MIB1: variants seen among roughly 807,000 people sequenced by gnomAD.
MIB1 encodes the protein E3 ubiquitin-protein ligase MIB1.
MIB1 carries 278 observed loss-of-function variants against 124.5 expected under a neutral mutation model. The observed-to-expected ratio is 2.23, with a 90% CI of 2.02 to 2.47. MIB1 has a LOEUF of 2.47. MIB1 is among the 30% of genes most tolerant of loss of function. MIB1 has a pLI of 0.00. For missense variants in MIB1, 957 were observed against 1,254.4 expected (o/e 0.76, Z 3.58); for synonymous variants, 446 against 429.4 (o/e 1.04, Z -0.48).
intron 9 of MIB1, among the ~76,000 whole-genome samples, chr18:21,802,360 C>T (rs972999951): frequency 1.3e-4 from 19 of 151,998 alleles, no homozygotes; most frequent in South Asian, 2.1e-4. Context: ...GACTATTCAT[C>T]GAATTTTCTT....
At chr18:21,708,598 A>G (rs78824811) in intron 1 of MIB1, among the ~76,000 whole-genome samples, 11 of 152,272 alleles carry the variant, frequency 7.2e-5, no homozygotes, top group African/African-American at 2.2e-4. Context: ...CGGAGATTCC[A>G]GTGAGCCAAG....
At chr18:21,752,626 A>G (rs1481183804) in intron 1 of MIB1, among the ~76,000 whole-genome samples, 2 of 152,262 alleles carry the variant, frequency 1.3e-5, no homozygotes, top group African/African-American at 2.4e-5. Flanking sequence ...AAGTCTAATT[A>G]TAGTATGTAT....
rs1021694690 is a variant in MIB1 at position 21,865,758 on chromosome 18, A to G, written c.*1092A>G. 6.6e-6 allele frequency: 1 copy of G among 152,634 alleles called. No homozygotes were observed. Among genetic ancestry groups the G allele is most frequent in the South Asian group, 2.1e-4 (1 of 4,834 alleles). 9.5% of individuals were successfully genotyped at this position (152,634 alleles called of 1,614,324 possible). On this transcript the variant is annotated 3_prime_UTR_variant, in exon 21 of 21. Coordinates refer to ENST00000261537, the MANE Select transcript of MIB1 (RefSeq NM_020774.4). ...TTCTTTATAGTATTTTTTGTTATAA[A>G]GAAAACAGTCTTTCTGTGTATACCT...
At chr18:21,784,821 C>G (rs994466422) in intron 6 of MIB1, among the ~76,000 whole-genome samples, 2 of 152,068 alleles carry the variant, frequency 1.3e-5, no homozygotes, top group African/African-American at 4.8e-5. Context: ...GGGAGTCTCC[C>G]TTTCCCCGGA....
intron 10 of MIB1, among the ~76,000 whole-genome samples, chr18:21,805,900 C>CTTTTTTTTTTTTTT: frequency 9.5e-6 from 1 of 105,128 alleles, no homozygotes; most frequent in Non-Finnish European, 1.8e-5. Flanking sequence ...TCTTTCTTTC[C>CTTTTTTTTTTTTTT]TTTTTTTTTT....
chr18:21,829,055 T>C, intron 12 of MIB1: 1 of 483,286 alleles, frequency 2.1e-6, no homozygotes, highest in Non-Finnish European at 4.3e-6. Flanking sequence ...TATGTTCATA[T>C]GGGTACATAA....
chr18:21,766,624 G>A (rs2041162273), intron 2 of MIB1, among the ~76,000 whole-genome samples: 1 of 150,196 alleles, frequency 6.7e-6, no homozygotes, highest in African/African-American at 2.5e-5. Flanking sequence ...ATAGATTTTG[G>A]AGTCATACCT....
rs2041313720 is a variant in MIB1 at position 21,778,150 on chromosome 18, AG to A, written c.685del (p.Asp229IlefsTer6). The A allele has an allele frequency of 6.2e-7, 1 of 1,609,830 alleles. No individual in the cohort carries two copies. The highest frequency in any genetic ancestry group is 8.5e-7 in the Non-Finnish European group (1 of 1,176,510). ...ATGCCAAGGGAGGTTCTTTCTACAG[AG>A]ATCACTGCCCTGTGCTAGGTGAGTG... ...QDAKGGSFYR[D>X]HCPVLGEQNG... On this transcript the variant is annotated frameshift_variant, in exon 5 of 21. Coordinates refer to ENST00000261537, the MANE Select transcript of MIB1 (RefSeq NM_020774.4). LOFTEE classifies it high-confidence loss of function.
intron 1 of MIB1, among the ~76,000 whole-genome samples, chr18:21,719,595 C>A (rs964881653): frequency 4.0e-5 from 6 of 151,198 alleles, no homozygotes; most frequent in African/African-American, 1.2e-4. Flanking sequence ...GATGGGTATA[C>A]GTCACCACGC....
chr18:21,824,290 C>A (rs2041905598), intron 12 of MIB1, among the ~76,000 whole-genome samples: 1 of 151,796 alleles, frequency 6.6e-6, no homozygotes, highest in Non-Finnish European at 1.5e-5. Context: ...ACACATATTA[C>A]AAATCTTACT....
At chr18:21,750,064 T>A (rs751476547) in intron 1 of MIB1, among the ~76,000 whole-genome samples, 33 of 152,264 alleles carry the variant, frequency 2.2e-4, no homozygotes, top group Admixed American at 4.6e-4. Flanking sequence ...ACAAACAGAT[T>A]GAAAAATTAG....
upstream of MIB1, among the ~76,000 whole-genome samples, chr18:21,738,870 A>C (rs1223439039): frequency 1.4e-5 from 2 of 144,760 alleles, no homozygotes; most frequent in African/African-American, 5.0e-5. Flanking sequence ...AAAAAAAACC[A>C]ACAAAACTAG....
chr18:21,796,522 C>G (rs1304380005), intron 7 of MIB1, among the ~76,000 whole-genome samples: 2 of 152,094 alleles, frequency 1.3e-5, no homozygotes, highest in East Asian at 3.9e-4. Flanking sequence ...ATGTAACAAA[C>G]CTGCACTTTC....
At chr18:21,706,706 C>A (rs1598575826) in intron 1 of MIB1, among the ~76,000 whole-genome samples, 3 of 152,162 alleles carry the variant, frequency 2.0e-5, no homozygotes, top group African/African-American at 4.8e-5. Context: ...CAGTGCCAGC[C>A]CGCCAGCGCT....
intron 1 of MIB1, among the ~76,000 whole-genome samples, chr18:21,742,995 T>C (rs1229987957): frequency 6.6e-6 from 1 of 152,250 alleles, no homozygotes; most frequent in East Asian, 1.9e-4. Context: ...TTTCTCCGGC[T>C]GGTCTGGAAC....
At chr18:21,761,054 T>A (rs903830571) in intron 1 of MIB1, among the ~76,000 whole-genome samples, 10 of 152,202 alleles carry the variant, frequency 6.6e-5, no homozygotes, top group African/African-American at 1.9e-4. Context: ...GTTATTAGAA[T>A]CTGATTTCAG....
Position 21,836,471 on chromosome 18 carries a change from C to T in MIB1, c.1830-1894C>T, listed in dbSNP as rs140420653. Reference sequence around the variant, plus strand: ...AAAACTTATAATGAAAGAGAAATGTCTTCTGCGTCATCCCTCCTTACCCCT... The same window carrying T: ...AAAACTTATAATGAAAGAGAAATGTTTTCTGCGTCATCCCTCCTTACCCCT... On this transcript the variant is annotated intron_variant, in intron 12 of 20. Transcript: ENST00000261537. Among the ~76,000 whole-genome samples, 917 of 152,156 alleles carry T rather than the reference C, an allele frequency of 6.0e-3. 20 individuals are homozygous for T. The highest frequency in any genetic ancestry group is 0.021 in the African/African-American group (883 of 41,502).
At chr18:21,815,029 AT>A (rs2041814586) in intron 10 of MIB1, among the ~76,000 whole-genome samples, 1 of 109,888 alleles carries the variant, frequency 9.1e-6, no homozygotes, top group Admixed American at 8.4e-5. Flanking sequence ...ATATATATAT[AT>A]ATATATATAT....
chr18:21,864,911 G>T lies in MIB1; in HGVS notation c.*245G>T. ...GTAACTCATAGGATAATTTACCTTT[G>T]GCTTCTAAGAGGAAAGTCCTTTAAG... On this transcript the variant is annotated 3_prime_UTR_variant, in exon 21 of 21. Transcript: ENST00000261537. The T allele has an allele frequency of 3.0e-6, 1 of 331,068 alleles. No individual in the cohort carries two copies. The highest frequency in any genetic ancestry group is 5.4e-6 in the Non-Finnish European group (1 of 184,414). 20.5% of individuals were successfully genotyped at this position (331,068 alleles called of 1,614,324 possible).
Sources: allele counts gnomAD v4.1 joint callset (sites outside exome capture counted in the v4.1 genomes callset), GRCh38; gene constraint gnomAD v4.1.1; transcripts MANE v1.5; gene names NCBI Gene and HGNC (gene_info 2026-07-23, HGNC 2026-07-21).